Variants in EEA1 observed in about 807,000 individuals in gnomAD.
EEA1 encodes the protein early endosome antigen 1, 162kD.
Under a neutral mutation model 209.2 loss-of-function variants are expected in EEA1, and 111 were observed. The observed-to-expected ratio is 0.53, with a 90% CI of 0.45 to 0.62. EEA1 has a LOEUF of 0.62. EEA1 is among the 20% of genes least tolerant of loss of function. EEA1 has a pLI of 0.00. For synonymous variants in EEA1, 536 were observed against 540.6 expected, an observed-to-expected ratio of 0.99 and a Z score of 0.12; for missense variants, 1,343 against 1,530.8, an observed-to-expected ratio of 0.88 and a Z score of 2.05.
intron 1 of EEA1, among the ~76,000 whole-genome samples, chr12:92,916,201 A>G (rs1033369117): frequency 6.6e-6 from 1 of 152,242 alleles, no homozygotes; most frequent in Non-Finnish European, 1.5e-5. Context: ...CTACAAAAAC[A>G]TACCAAAATA....
intron 9 of EEA1, among the ~76,000 whole-genome samples, chr12:92,843,250 C>T (rs368153025): frequency 1.3e-5 from 2 of 152,142 alleles, no homozygotes; most frequent in African/African-American, 4.8e-5. Context: ...TCTGAGCCTC[C>T]CCGCTTCAAG....
At position 92,809,079 on chromosome 12, in the gene EEA1, C is replaced by T. The variant is rs1050535107; in HGVS notation, c.2277G>A (p.Leu759=). The T allele has an allele frequency of 1.2e-6, 2 of 1,608,616 alleles. No individual in the cohort carries two copies. The highest frequency in any genetic ancestry group is 3.4e-5 in the Admixed American group (2 of 59,526). Residue 759 remains leucine (L), a synonymous_variant, in exon 18 of 29, where the codon CTG becomes CTA. Transcript: ENST00000322349. ...TGGCTCTGAGCTCTAAATCTGTGTT[C>T]AGCTGTCTTTGCTGTTGTAGATCTT... is the stretch of plus-strand genomic sequence containing the variant. The part of the protein sequence containing the change: ...ALQDLQQQRQ[L]NTDLELRATE...
intron 9 of EEA1, among the ~76,000 whole-genome samples, chr12:92,850,107 A>G (rs1877548230): frequency 6.6e-6 from 1 of 152,228 alleles, no homozygotes; most frequent in African/African-American, 2.4e-5. Flanking sequence ...TTTATCTTGG[A>G]AGAGAAATAC....
At chr12:92,901,904 C>A (rs1022026289) in intron 1 of EEA1, among the ~76,000 whole-genome samples, 2 of 152,110 alleles carry the variant, frequency 1.3e-5, no homozygotes, top group Non-Finnish European at 2.9e-5. Context: ...ACTAAAATTC[C>A]TTTATTTCAA....
At chr12:92,872,524 C>A (rs910760154) in intron 2 of EEA1, among the ~76,000 whole-genome samples, 2 of 152,182 alleles carry the variant, frequency 1.3e-5, no homozygotes, top group African/African-American at 4.8e-5. Flanking sequence ...ATGATTCTTC[C>A]TTGTAATTTT....
chr12:92,877,857 C>T (rs1878980078), intron 2 of EEA1, among the ~76,000 whole-genome samples: 1 of 152,126 alleles, frequency 6.6e-6, no homozygotes, highest in Non-Finnish European at 1.5e-5. Flanking sequence ...GCCTTATAGA[C>T]CATGATAAGA....
chr12:92,863,235 C>T (rs551727038), intron 3 of EEA1, among the ~76,000 whole-genome samples: 1 of 152,222 alleles, frequency 6.6e-6, no homozygotes, highest in Middle Eastern at 3.2e-3. Context: ...CTTTCCTATA[C>T]TAATCCACTA....
At chr12:92,866,000 C>G (rs572778875) in intron 2 of EEA1, among the ~76,000 whole-genome samples, 52 of 151,734 alleles carry the variant, frequency 3.4e-4, no homozygotes, top group Non-Finnish European at 7.2e-4. Flanking sequence ...CCACCCGCCT[C>G]GGCCTCCCAA....
chr12:92,817,740 G>T (rs1875861819), intron 14 of EEA1, among the ~76,000 whole-genome samples: 1 of 151,956 alleles, frequency 6.6e-6, no homozygotes, highest in African/African-American at 2.4e-5. Context: ...TCTCGATTTT[G>T]TTGTCTTCTT....
rs766553891 is a variant in EEA1 at position 92,776,027 on chromosome 12, T to C, written c.4220A>G (p.Asn1407Ser). The change falls in exon 29 of 29, where the codon AAT becomes AGT. Residue 1407 changes from asparagine (N) to serine (S), a missense_variant. Asn to Ser is a conservative substitution (Grantham distance 46). Around this residue, in one of 3 missense-constraint regions of EEA1, gnomAD observed 28 missense variants for 37.7 expected, o/e 0.74. Coordinates refer to ENST00000322349, the MANE Select transcript of EEA1 (RefSeq NM_003566.4). ...KPVRVCDACF[N>S]DLQG is the part of the protein sequence containing the mutation. ...GATAACCCATTATCCTTGCAAGTCA[T>C]TGAAACATGCATCACAGACACGAAC... 5.0e-6 allele frequency: 8 copies of C among 1,610,994 alleles called. No individual in the cohort carries two copies. In the South Asian group the frequency reaches 5.5e-5, roughly 11 times the overall value.
At chr12:92,897,557 G>A (rs1879942239) in intron 1 of EEA1, among the ~76,000 whole-genome samples, 1 of 152,230 alleles carries the variant, frequency 6.6e-6, no homozygotes, top group Non-Finnish European at 1.5e-5. Context: ...CTCCCACACT[G>A]TGGAGTGTAC....
chr12:92,856,426 T>G (rs958248160), intron 5 of EEA1, among the ~76,000 whole-genome samples: 1 of 152,204 alleles, frequency 6.6e-6, no homozygotes, highest in Admixed American at 6.5e-5. Context: ...TTTTTCTCTA[T>G]GTATTATTTT....
chr12:92,807,448 GA>G (rs1371747226), intron 18 of EEA1, among the ~76,000 whole-genome samples: 3 of 151,920 alleles, frequency 2.0e-5, no homozygotes, highest in Non-Finnish European at 4.4e-5. Flanking sequence ...CAGCCAGCAA[GA>G]AAAAAGATAT....
At chr12:92,827,794 A>G (rs1012685416) in intron 12 of EEA1, 118 bp downstream of exon 12, 8 of 1,045,810 alleles carry the variant, frequency 7.6e-6, no homozygotes, top group Non-Finnish European at 1.0e-5. Flanking sequence ...GCTATTGGAG[A>G]GCAATAAATT....
intron 5 of EEA1, among the ~76,000 whole-genome samples, chr12:92,854,828 T>C (rs1268290820): frequency 2.0e-5 from 3 of 152,332 alleles, no homozygotes; most frequent in African/African-American, 7.2e-5. Flanking sequence ...GACTTTACTT[T>C]TCACAAAAGC....
chr12:92,795,446 C>T (rs1874617243), intron 21 of EEA1, among the ~76,000 whole-genome samples: 1 of 152,140 alleles, frequency 6.6e-6, no homozygotes, highest in East Asian at 1.9e-4. Flanking sequence ...GTCTTCAGCA[C>T]CTAGAATTGT....
rs181566960 is a variant in EEA1, at chr12:92,886,770, G to A, written c.117+4859C>T. On this transcript the variant is annotated intron_variant, in intron 2 of 28. Transcript: ENST00000322349. Reference sequence around the variant, plus strand: ...TCCCAACACTTTGGGAGGCCGAAGCGGGCGGATCACAAGGTCAGGAGATCG... The same window carrying A: ...TCCCAACACTTTGGGAGGCCGAAGCAGGCGGATCACAAGGTCAGGAGATCG... 9.8e-3 allele frequency among the ~76,000 whole-genome samples: 1,492 copies of A among 151,946 alleles called. 10 individuals are homozygous for A. The highest frequency in any genetic ancestry group is 0.016 in the Non-Finnish European group (1,071 of 67,902).
chr12:92,921,184 A>C (rs924295715), intron 1 of EEA1, among the ~76,000 whole-genome samples: 1 of 147,826 alleles, frequency 6.8e-6, no homozygotes, highest in African/African-American at 2.5e-5. Context: ...TGTGGAAGTC[A>C]GTGTGGCGAT....
intron 21 of EEA1, among the ~76,000 whole-genome samples, chr12:92,794,322 C>T (rs1874550620): frequency 2.0e-5 from 3 of 152,086 alleles, no homozygotes; most frequent in Non-Finnish European, 4.4e-5. Flanking sequence ...GACAGTGTGG[C>T]GATTCCTCAA....
Sources: gnomAD v4.1 joint callset for allele counts (sites outside exome capture counted in the v4.1 genomes callset) on GRCh38, gnomAD v4.1.1 for gene constraint, gnomAD v4.1.1 regional missense constraint, MANE v1.5 for transcripts, NCBI Gene and HGNC (gene_info 2026-07-23, HGNC 2026-07-21) for gene names.